The following MTCL3 variants were observed in gnomAD, a reference collection of about 807,000 sequenced individuals.
MTCL3 encodes the protein MTCL family member 3.
the MTCL3 span, chr6:127,515,376 C>A: frequency 1.2e-6 from 1 of 852,150 alleles, no homozygotes; most frequent in Non-Finnish European, 1.7e-6. The surrounding 1 kb of genome is among the most constrained non-coding windows in gnomAD (Gnocchi z 4.3). Context: ...CTAGGAAACC[C>A]CCTCCCTCCT....
chr6:127,476,421 T>C, the MTCL3 span: 1 of 1,611,340 alleles, frequency 6.2e-7, no homozygotes, highest in African/African-American at 1.3e-5. This position sits in a 1 kb window ranked among gnomAD's most constrained non-coding sequence, Gnocchi z 4.4. Context: ...TCAAAGCGGC[T>C]TCTTCCTTAA....
the MTCL3 span, chr6:127,481,370 A>C: frequency 5.1e-6 from 5 of 985,308 alleles, no homozygotes; most frequent in Non-Finnish European, 6.0e-6. Flanking sequence ...ATTTGGACTT[A>C]CTAAGGGAAC....
chr6:127,504,010 C>A, the MTCL3 span, among the ~76,000 whole-genome samples: 144 of 152,198 alleles, frequency 9.5e-4, 1 homozygote, highest in Non-Finnish European at 1.6e-3. Context: ...TGGACTTGGT[C>A]TTAATAACAT....
the MTCL3 span, among the ~76,000 whole-genome samples, chr6:127,474,485 C>G: frequency 6.6e-6 from 1 of 152,114 alleles, no homozygotes; most frequent in Middle Eastern, 3.4e-3. Flanking sequence ...GCCATGTTGG[C>G]CAGGCTGATC....
the MTCL3 span, among the ~76,000 whole-genome samples, chr6:127,493,815 T>C: frequency 6.6e-6 from 1 of 152,228 alleles, no homozygotes; most frequent in African/African-American, 2.4e-5. Context: ...ATTATTTTGT[T>C]TTATTTTTTT....
the MTCL3 span, chr6:127,512,760 A>T: frequency 1.4e-6 from 1 of 739,042 alleles, no homozygotes; most frequent in African/African-American, 1.8e-5. Context: ...TGTATTTTTT[A>T]CTATTTGGGT....
At chr6:127,483,913 G>A in the MTCL3 span, among the ~76,000 whole-genome samples, 1 of 152,178 alleles carries the variant, frequency 6.6e-6, no homozygotes, top group South Asian at 2.1e-4. Context: ...TAGCAGGGGA[G>A]GAGACAGAGA....
chr6:127,473,413 CAA>C, the MTCL3 span: 3 of 1,473,370 alleles, frequency 2.0e-6, no homozygotes, highest in African/African-American at 4.4e-5. Context: ...AATGCAAAGA[CAA>C]AGAGAAGAGT....
the MTCL3 span, chr6:127,476,061 C>A: frequency 3.1e-6 from 5 of 1,613,432 alleles, no homozygotes; most frequent in Non-Finnish European, 4.2e-6. This position sits in a 1 kb window ranked among gnomAD's most constrained non-coding sequence, Gnocchi z 4.4. Context: ...GCAGCTCCGT[C>A]TCGTCTTCCA....
At chr6:127,494,064 A>G in the MTCL3 span, among the ~76,000 whole-genome samples, 1 of 152,298 alleles carries the variant, frequency 6.6e-6, no homozygotes, top group South Asian at 2.1e-4. Context: ...AGGGCCAAAT[A>G]GGTTTGCATG....
the MTCL3 span, among the ~76,000 whole-genome samples, chr6:127,503,292 C>G: frequency 6.6e-6 from 1 of 152,110 alleles, no homozygotes; most frequent in Non-Finnish European, 1.5e-5. Flanking sequence ...GTCTTCATCT[C>G]TAAAATGAGG....
chr6:127,508,009 G>C, the MTCL3 span, among the ~76,000 whole-genome samples: 1 of 152,152 alleles, frequency 6.6e-6, no homozygotes. Context: ...GCTCTGAGAA[G>C]ATATGACTAA....
At chr6:127,473,103 T>A in the MTCL3 span, 19 of 1,166,888 alleles carry the variant, frequency 1.6e-5, no homozygotes, top group Non-Finnish European at 1.8e-5. Flanking sequence ...GTGTTTGGGC[T>A]TCTTATTGAA....
chr6:127,495,210 A>G, the MTCL3 span, among the ~76,000 whole-genome samples: 1 of 151,948 alleles, frequency 6.6e-6, no homozygotes, highest in Non-Finnish European at 1.5e-5. Context: ...AAAAAAAAAA[A>G]AATTATTTTA....
chr6:127,505,859 G>T, the MTCL3 span, among the ~76,000 whole-genome samples: 1 of 152,082 alleles, frequency 6.6e-6, no homozygotes, highest in African/African-American at 2.4e-5. Flanking sequence ...AGGCATTCAA[G>T]AAATAGCTGT....
chr6:127,499,347 G>A, the MTCL3 span, among the ~76,000 whole-genome samples: 1 of 152,074 alleles, frequency 6.6e-6, no homozygotes, highest in African/African-American at 2.4e-5. Context: ...ATTTTGCACT[G>A]ATGTCTTTAA....
chr6:127,476,428 T>G, the MTCL3 span: 1 of 1,609,384 alleles, frequency 6.2e-7, no homozygotes, highest in Non-Finnish European at 8.5e-7. This position sits in a 1 kb window ranked among gnomAD's most constrained non-coding sequence, Gnocchi z 4.4. Context: ...GGCTTCTTCC[T>G]TAACAAACTG....
At chr6:127,477,416 A>C in the MTCL3 span, among the ~76,000 whole-genome samples, 1 of 152,236 alleles carries the variant, frequency 6.6e-6, no homozygotes, top group African/African-American at 2.4e-5. Context: ...ATTTCTCCCA[A>C]GGACAATTTC....
chr6:127,516,107 C>T, the MTCL3 span: 1 of 1,475,612 alleles, frequency 6.8e-7, no homozygotes, highest in South Asian at 1.3e-5. Flanking sequence ...CCTTCCCCGC[C>T]CCCTCCTCCC....
Sources: gnomAD v4.1 joint callset for allele counts (sites outside exome capture counted in the v4.1 genomes callset) on GRCh38, gnomAD v4.1.1 for gene constraint, Gnocchi (gnomAD v3.1) non-coding constraint, MANE v1.5 for transcripts, NCBI Gene and HGNC (gene_info 2026-07-23, HGNC 2026-07-21) for gene names.